The following PLEKHH2 variants were observed in gnomAD, a reference collection of about 807,000 sequenced individuals.
PLEKHH2 encodes pleckstrin homology domain-containing family H member 2.
PLEKHH2 carries 129 observed loss-of-function variants against 187.9 expected under a neutral mutation model. That is an observed-to-expected ratio of 0.69 (90% CI 0.59 to 0.79). PLEKHH2 has a LOEUF of 0.79. Ranked by LOEUF, PLEKHH2 falls within the 30% of genes least tolerant of loss-of-function variation. The pLI is 0.00. For missense variants in PLEKHH2, 2,076 were observed against 1,751.2 expected, an observed-to-expected ratio of 1.19 and a Z score of -3.31; for synonymous variants, 686 against 605.6, an observed-to-expected ratio of 1.13 and a Z score of -1.95.
intron 17 of PLEKHH2, among the ~76,000 whole-genome samples, chr2:43,728,512 G>A (rs1572629735): frequency 6.8e-6 from 1 of 146,244 alleles, no homozygotes; most frequent in Non-Finnish European, 1.5e-5. Context: ...AAAAGAAAAT[G>A]TTAGTAAATG....
At position 43,733,194 on chromosome 2, in the gene PLEKHH2, C is replaced by G. The variant is rs200348378; in HGVS notation, c.2943+1592C>G. Among the ~76,000 whole-genome samples, 5 of 152,010 alleles carry G rather than the reference C, an allele frequency of 3.3e-5. No individual in the cohort carries two copies. In the East Asian group the frequency reaches 9.6e-4, roughly 29 times the overall value. On this transcript the variant is annotated intron_variant, in intron 19 of 29. Transcript: ENST00000282406. ...TGGCTAACACCATGAAACCCTGTCT[C>G]TACTTAAAAAATACAAAAATTAGCC...
At chr2:43,722,725 T>C (rs1670541974) in intron 16 of PLEKHH2, among the ~76,000 whole-genome samples, 1 of 152,222 alleles carries the variant, frequency 6.6e-6, no homozygotes, top group African/African-American at 2.4e-5. Context: ...CACAGTAATA[T>C]GGATGGTTTC....
intron 2 of PLEKHH2, among the ~76,000 whole-genome samples, chr2:43,669,344 T>A (rs919956342): frequency 5.3e-5 from 8 of 152,152 alleles, no homozygotes; most frequent in Admixed American, 5.2e-4. Context: ...GGTACAGGGT[T>A]TTTTTAGGGG....
chr2:43,720,555 A>C, intron 15 of PLEKHH2, 114 bp from the exon 16 acceptor site: 1 of 1,506,430 alleles, frequency 6.6e-7, no homozygotes, highest in Non-Finnish European at 8.9e-7. Flanking sequence ...TTGGAATATC[A>C]CTTATATCTG....
chr2:43,672,913 C>G (rs17031212), intron 2 of PLEKHH2, among the ~76,000 whole-genome samples: 1 of 152,124 alleles, frequency 6.6e-6, no homozygotes, highest in African/African-American at 2.4e-5. Context: ...AACAGGCACA[C>G]GTAAATTTTT....
rs777295480 is a variant in PLEKHH2 at position 43,720,680 on chromosome 2, A to G, written c.2472A>G (p.Gly824=). ...AAATATGGTTTCAGGTAAAACATGG[A>G]TATTCCAAGAGAGTCTGGTGTACAC... ...MKGLLTKVKH[G]YSKRVWCTLI... The change falls in exon 16 of 30, where the codon GGA becomes GGG. Residue 824 remains glycine (G), a synonymous_variant. Transcript: ENST00000282406. 3.7e-6 allele frequency: 6 copies of G among 1,606,402 alleles called. No homozygotes were observed. The highest frequency in any genetic ancestry group is 5.1e-6 in the Non-Finnish European group (6 of 1,178,000).
intron 16 of PLEKHH2, among the ~76,000 whole-genome samples, chr2:43,723,654 C>T (rs539356722): frequency 6.6e-6 from 1 of 152,320 alleles, no homozygotes; most frequent in South Asian, 2.1e-4. Flanking sequence ...AGGGTCAGAA[C>T]ACCCTTCTTG....
intron 2 of PLEKHH2, chr2:43,675,157 T>G (rs1459421215): frequency 2.5e-6 from 1 of 401,880 alleles, no homozygotes; most frequent in African/African-American, 2.1e-5. Flanking sequence ...GAAATTAATT[T>G]TAATAGTATA....
intron 2 of PLEKHH2, among the ~76,000 whole-genome samples, chr2:43,671,294 G>A (rs1667489064): frequency 2.6e-5 from 4 of 151,968 alleles, no homozygotes; most frequent in Admixed American, 2.6e-4. Context: ...GCCATTTATT[G>A]CTCTTATATA....
chr2:43,676,164 G>T (rs960128763), intron 2 of PLEKHH2: 1 of 1,614,032 alleles, frequency 6.2e-7, no homozygotes, highest in Non-Finnish European at 8.5e-7. Flanking sequence ...AAGTGTTTAA[G>T]AAATCGTTCC....
At chr2:43,719,909 G>C (rs1374264869) in intron 15 of PLEKHH2, among the ~76,000 whole-genome samples, 2 of 151,906 alleles carry the variant, frequency 1.3e-5, no homozygotes. Flanking sequence ...ATTGACATTA[G>C]AGTGTTAACC....
At chr2:43,746,095 C>A in intron 24 of PLEKHH2, 132 bp downstream of exon 24, 1 of 530,392 alleles carries the variant, frequency 1.9e-6, no homozygotes, top group Non-Finnish European at 3.0e-6. Context: ...TAAATGATAA[C>A]TCTGTTTCTA....
At position 43,680,679 on chromosome 2, in the gene PLEKHH2, C is replaced by T. The variant is rs1016867425; in HGVS notation, c.186+1754C>T. ...GTTTAGTGGTTTGGCTTTCTGGCTG[C>T]TCAAAATTGAAGTCAAGTAAGCCTT... On this transcript the variant is annotated intron_variant, in intron 3 of 29. Coordinates refer to ENST00000282406, the MANE Select transcript of PLEKHH2 (RefSeq NM_172069.4). 1.6e-4 allele frequency: 60 copies of T among 379,682 alleles called. 1 individual carries two copies. Among genetic ancestry groups the T allele is most frequent in the South Asian group, 1.1e-3 (49 of 43,198 alleles). 23.5% of individuals were successfully genotyped at this position (379,682 alleles called of 1,614,324 possible).
rs1023354623 is a variant in PLEKHH2, at chr2:43,666,067, C to G, written c.124-12796C>G. On this transcript the variant is annotated intron_variant, in intron 2 of 29. Transcript: ENST00000282406. ...CCTGGGCAATGGCGGGCTCCCCTCC[C>G]CCAGCCTTGCTGCCGCCTTGCAGTT... is the stretch of plus-strand genomic sequence containing the variant. 8.7e-5 allele frequency among the ~76,000 whole-genome samples: 13 copies of G among 149,482 alleles called. 2 individuals are homozygous for G. The highest frequency in any genetic ancestry group is 3.3e-4 in the African/African-American group (13 of 39,376).
At chr2:43,644,301 T>G (rs997496925) in intron 1 of PLEKHH2, among the ~76,000 whole-genome samples, 2 of 152,164 alleles carry the variant, frequency 1.3e-5, no homozygotes, top group Non-Finnish European at 2.9e-5. Context: ...TTGTGTGGTG[T>G]TGTTATACTG....
At position 43,657,888 on chromosome 2, in the gene PLEKHH2, GGTAAACA is replaced by G. The variant is rs1480647858; in HGVS notation, c.123+13097_123+13103del. 5.3e-5 allele frequency among the ~76,000 whole-genome samples: 8 copies of G among 152,178 alleles called. No individual in the cohort carries two copies. In the South Asian group the frequency reaches 1.7e-3, roughly 32 times the overall value. On this transcript the variant is annotated intron_variant, in intron 2 of 29. Transcript: ENST00000282406. ...TACCTGTGTGTCTTAAAATTTTAAG[GGTAAACA>G]GTAAGTTTTGCCCTCCTTCTTCTGT...
chr2:43,732,214 T>C (rs1287627585), intron 19 of PLEKHH2, among the ~76,000 whole-genome samples: 1 of 151,836 alleles, frequency 6.6e-6, no homozygotes, highest in African/African-American at 2.4e-5. Flanking sequence ...AAACACAAAA[T>C]TAAATGGGCA....
chr2:43,699,567 A>G (rs570671907), intron 7 of PLEKHH2, 80 bp from the exon 8 acceptor site: 9 of 1,485,064 alleles, frequency 6.1e-6, no homozygotes, highest in South Asian at 4.0e-5. Context: ...CAATTTCTAC[A>G]GTGTAGCTAC....
At chr2:43,722,255 CAA>C (rs5830768) in intron 16 of PLEKHH2, among the ~76,000 whole-genome samples, 26,005 of 123,438 alleles carry the variant, frequency 0.21, 2,478 homozygotes, top group Middle Eastern at 0.36. Flanking sequence ...GACCCTATCT[CAA>C]AAAAAAAAAA....
Sources: gnomAD v4.1 joint callset for allele counts (sites outside exome capture counted in the v4.1 genomes callset) on GRCh38, gnomAD v4.1.1 for gene constraint, MANE v1.5 for transcripts, NCBI Gene and HGNC (gene_info 2026-07-23, HGNC 2026-07-21) for gene names.